The following XKR9 variants were observed in gnomAD, a reference collection of about 807,000 sequenced individuals.
XKR9 encodes the protein XK related 9.
A neutral mutation model predicts 32.0 loss-of-function variants in XKR9; 32 were observed. The observed-to-expected ratio is 1.00, with a 90% CI of 0.76 to 1.34. The LOEUF (loss-of-function observed/expected upper bound fraction) is 1.34, where lower values mean the gene tolerates loss of function less well. Among genes scored for constraint, XKR9 ranks in the 40% most tolerant of loss-of-function variants. The pLI is 0.00. For missense variants in XKR9, 546 were observed against 429.7 expected (o/e 1.27, Z -2.39); for synonymous variants, 168 against 143.4 (o/e 1.17, Z -1.22).
At chr8:70,895,993 G>A in the XKR9 span, among the ~76,000 whole-genome samples, 1 of 152,180 alleles carries the variant, frequency 6.6e-6, no homozygotes, top group South Asian at 2.1e-4. Context: ...GGGTGACAGA[G>A]AAAGACCCTA....
intron 4 of XKR9, among the ~76,000 whole-genome samples, chr8:70,732,136 C>A (rs1806689203): frequency 6.6e-6 from 1 of 152,130 alleles, no homozygotes; most frequent in African/African-American, 2.4e-5. Context: ...AGATAGACAC[C>A]CCATGGTGGA....
chr8:70,973,920 A>T, the XKR9 span, among the ~76,000 whole-genome samples: 1 of 152,162 alleles, frequency 6.6e-6, no homozygotes, highest in Non-Finnish European at 1.5e-5. Flanking sequence ...GTGCTGATGA[A>T]TAGAATGTAT....
At chr8:70,737,109 G>A (rs1180988113), downstream of XKR9, among the ~76,000 whole-genome samples, 29 of 150,720 alleles carry the variant, frequency 1.9e-4, no homozygotes, top group Non-Finnish European at 4.0e-4. Flanking sequence ...AGCATGGAAT[G>A]TTCTTCCATT....
intron 3 of XKR9, among the ~76,000 whole-genome samples, chr8:70,689,350 C>G (rs1052251917): frequency 6.6e-6 from 1 of 151,540 alleles, no homozygotes; most frequent in Non-Finnish European, 1.5e-5. Flanking sequence ...TATATACTCT[C>G]TTGGTAAAGT....
intron 3 of XKR9, among the ~76,000 whole-genome samples, chr8:70,684,798 C>T (rs1006993851): frequency 2.3e-4 from 34 of 146,760 alleles, no homozygotes; most frequent in Middle Eastern, 3.4e-3. Context: ...CAATGAGATA[C>T]CATCTCACAC....
chr8:71,026,422 AG>A, the XKR9 span, among the ~76,000 whole-genome samples: 1 of 152,356 alleles, frequency 6.6e-6, no homozygotes, highest in African/African-American at 2.4e-5. Context: ...GCATTGGGCT[AG>A]GGATACAAAG....
At chr8:70,695,550 G>A (rs919421605) in intron 3 of XKR9, among the ~76,000 whole-genome samples, 2 of 151,788 alleles carry the variant, frequency 1.3e-5, no homozygotes, top group African/African-American at 4.8e-5. Flanking sequence ...GTGTATATGT[G>A]CCACATTTTC....
At chr8:71,038,873 C>T in the XKR9 span, among the ~76,000 whole-genome samples, 1 of 146,810 alleles carries the variant, frequency 6.8e-6, no homozygotes, top group East Asian at 2.0e-4. Flanking sequence ...GGCACAATCT[C>T]GGCTCACTGA....
At chr8:70,698,763 C>T (rs1805391838) in intron 3 of XKR9, among the ~76,000 whole-genome samples, 1 of 152,148 alleles carries the variant, frequency 6.6e-6, no homozygotes, top group Admixed American at 6.5e-5. Flanking sequence ...TCTTGTTGAT[C>T]TGTCTAATGT....
At chr8:71,044,705 GC>G in the XKR9 span, among the ~76,000 whole-genome samples, 6 of 152,042 alleles carry the variant, frequency 3.9e-5, no homozygotes, top group Non-Finnish European at 8.8e-5. Context: ...CCTATGCCTT[GC>G]CAATAGCCTT....
the XKR9 span, among the ~76,000 whole-genome samples, chr8:70,810,551 C>T: frequency 1.3e-5 from 2 of 152,170 alleles, no homozygotes; most frequent in African/African-American, 4.8e-5. Flanking sequence ...ACCCATCTCA[C>T]ATGCAGAGAC....
At chr8:70,786,273 G>C (rs1187769561) in intron 2 of XKR9, among the ~76,000 whole-genome samples, 1 of 152,028 alleles carries the variant, frequency 6.6e-6, no homozygotes, top group African/African-American at 2.4e-5. Flanking sequence ...AATATTCTAT[G>C]TATGTCTGTT....
At chr8:71,034,442 T>C in the XKR9 span, among the ~76,000 whole-genome samples, 1 of 152,206 alleles carries the variant, frequency 6.6e-6, no homozygotes, top group African/African-American at 2.4e-5. Flanking sequence ...CTTTTTAAAT[T>C]ACCCAGTCTC....
chr8:70,684,118 A>C (rs1819178290), intron 3 of XKR9, among the ~76,000 whole-genome samples: 2 of 151,944 alleles, frequency 1.3e-5, no homozygotes, highest in Non-Finnish European at 2.9e-5. Flanking sequence ...CTACAGTTTA[A>C]TTATATGTTT....
chr8:70,853,435 A>G, the XKR9 span, among the ~76,000 whole-genome samples: 1 of 152,024 alleles, frequency 6.6e-6, no homozygotes, highest in Non-Finnish European at 1.5e-5. Context: ...TACATCTACC[A>G]TATACTCATA....
At chr8:70,857,543 G>A in the XKR9 span, among the ~76,000 whole-genome samples, 1 of 152,254 alleles carries the variant, frequency 6.6e-6, no homozygotes, top group South Asian at 2.1e-4. Flanking sequence ...GGTATAAGGA[G>A]GAGCTGGTAC....
At chr8:71,009,013 T>C in the XKR9 span, among the ~76,000 whole-genome samples, 1 of 152,278 alleles carries the variant, frequency 6.6e-6, no homozygotes, top group African/African-American at 2.4e-5. Context: ...ACCACTGCTA[T>C]AGGGGGACCA....
chr8:70,775,256 G>A (rs1461798757), intron 2 of XKR9, among the ~76,000 whole-genome samples: 1 of 152,078 alleles, frequency 6.6e-6, no homozygotes, highest in Non-Finnish European at 1.5e-5. Flanking sequence ...GTACAGTCAT[G>A]TCTTGCAAAT....
rs1007165430 is a variant in XKR9 at position 70,734,830 on chromosome 8, A to G, written c.*406A>G. 6.5e-6 allele frequency: 1 copy of G among 153,442 alleles called. No homozygotes were observed. Among genetic ancestry groups the G allele is most frequent in the Non-Finnish European group, 1.4e-5 (1 of 69,032 alleles). 9.5% of individuals were successfully genotyped at this position (153,442 alleles called of 1,614,324 possible). A position where few individuals can be genotyped will look rare whatever the true frequency, so the allele number is the denominator to read the frequency against. On this transcript the variant is annotated 3_prime_UTR_variant, in exon 5 of 5. Transcript: ENST00000408926. ...TTCCTTTATTGTCTTCAGTGCATAT[A>G]TTTGCAGTTGGGGACAGGTTGAGTA...
Sources: allele counts gnomAD v4.1 joint callset (sites outside exome capture counted in the v4.1 genomes callset), GRCh38; gene constraint gnomAD v4.1.1; transcripts MANE v1.5; gene names NCBI Gene and HGNC (gene_info 2026-07-23, HGNC 2026-07-21).